Variants in TMPRSS15 observed in about 807,000 individuals in gnomAD.
TMPRSS15 encodes the protein enteropeptidase.
In TMPRSS15, 128 loss-of-function variants were observed where a neutral mutation model predicts 125.3. The observed-to-expected ratio is 1.02, with a 90% CI of 0.89 to 1.18. TMPRSS15 has a LOEUF of 1.18. Among genes scored for constraint, TMPRSS15 ranks in the 50% most tolerant of loss-of-function variants. TMPRSS15 has a pLI of 0.00. For synonymous variants in TMPRSS15, 446 were observed against 423.2 expected (o/e 1.05, Z -0.66); for missense variants, 1,283 against 1,212.7 (o/e 1.06, Z -0.86).
chr21:18,422,752 A>G (rs1300063999), intron 1 of TMPRSS15, among the ~76,000 whole-genome samples: 3 of 152,210 alleles, frequency 2.0e-5, no homozygotes, highest in African/African-American at 7.2e-5. Context: ...ACTAAATTCA[A>G]TAGTTTTGCA....
chr21:18,312,936 ATTAC>A lies in TMPRSS15; in HGVS notation c.2165+5_2165+8del, dbSNP rs1161824365. On this transcript the variant is annotated splice_donor_5th_base_variant and intron_variant, in intron 18 of 24. Transcript: ENST00000284885. ...ATCTCTTAAAAAGGAACTCAGTAGA[ATTAC>A]TTACCCTAGTCCCAGCAGTTGACAA... The A allele has an allele frequency of 1.2e-6, 2 of 1,613,466 alleles. No homozygotes were observed. The highest frequency in any genetic ancestry group is 1.7e-6 in the Non-Finnish European group (2 of 1,179,560).
chr21:18,344,652 A>G (rs2075486505), intron 10 of TMPRSS15, among the ~76,000 whole-genome samples: 1 of 152,230 alleles, frequency 6.6e-6, no homozygotes, highest in Non-Finnish European at 1.5e-5. Context: ...AACTTTCAAA[A>G]TAGCACAAGC....
chr21:18,427,639 G>A (rs1442239231), intron 1 of TMPRSS15, among the ~76,000 whole-genome samples: 2 of 152,108 alleles, frequency 1.3e-5, no homozygotes, highest in Non-Finnish European at 2.9e-5. Flanking sequence ...AAACATGACT[G>A]AGCATTTATA....
In TMPRSS15 at chr21:18,355,140, A is replaced by T. The variant is rs181381261; in HGVS notation, c.881-1277T>A. On this transcript the variant is annotated intron_variant, in intron 8 of 24. Transcript: ENST00000284885. ...CAGCATGCATACCTGTGTAATTTTA[A>T]TACTTCTCATACTGAAAACCTTTGG... is the stretch of plus-strand genomic sequence containing the variant. Among the ~76,000 whole-genome samples, 505 of 152,026 alleles carry T rather than the reference A, an allele frequency of 3.3e-3. 2 individuals carry two copies. Among genetic ancestry groups the T allele is most frequent in the African/African-American group, 0.012 (481 of 41,532 alleles).
intron 19 of TMPRSS15, among the ~76,000 whole-genome samples, chr21:18,296,126 C>G (rs1049046265): frequency 2.6e-5 from 4 of 152,122 alleles, no homozygotes; most frequent in Admixed American, 2.6e-4. Flanking sequence ...GCACTCCAGC[C>G]TGGGCAACAG....
intron 1 of TMPRSS15, among the ~76,000 whole-genome samples, chr21:18,429,727 T>C (rs2076212367): frequency 6.6e-6 from 1 of 152,188 alleles, no homozygotes; most frequent in Admixed American, 6.5e-5. Flanking sequence ...GGTATGTCTT[T>C]AGCAGCATGA....
In TMPRSS15 at chr21:18,326,448, A is replaced by G; in HGVS notation, c.1905T>C (p.Tyr635=). ...GGFKANFTTG[Y]HLGIPEPCKA... is the part of the protein sequence containing the mutation. ...GGCTCCTACCTGGAATCCCCAAGTG[A>G]TAGCCAGTAGTAAAGTTTGCTTTAA... is the stretch of plus-strand genomic sequence containing the variant. The change falls in exon 16 of 25, where the codon TAT becomes TAC. Residue 635 remains tyrosine, a synonymous_variant. Coordinates refer to ENST00000284885, the MANE Select transcript of TMPRSS15 (RefSeq NM_002772.3). The G allele has an allele frequency of 6.2e-7, 1 of 1,614,168 alleles. No individual in the cohort carries two copies. Among genetic ancestry groups the G allele is most frequent in the Non-Finnish European group, 8.5e-7 (1 of 1,179,994 alleles).
chr21:18,300,003 C>T (rs2074948041), intron 18 of TMPRSS15, among the ~76,000 whole-genome samples: 1 of 152,022 alleles, frequency 6.6e-6, no homozygotes. Flanking sequence ...CTTCTAGTTA[C>T]CCAATAATCT....
chr21:18,443,728 C>T (rs1284946584), intron 1 of TMPRSS15, among the ~76,000 whole-genome samples: 4 of 152,214 alleles, frequency 2.6e-5, no homozygotes, highest in African/African-American at 9.6e-5. Context: ...CCGAACTCAG[C>T]CAGTGGCTGC....
chr21:18,462,175 G>T (rs1201034911), intron 1 of TMPRSS15, among the ~76,000 whole-genome samples: 1 of 152,142 alleles, frequency 6.6e-6, no homozygotes, highest in African/African-American at 2.4e-5. Flanking sequence ...CAAGGTCACA[G>T]AATGCTGACA....
At chr21:18,464,538 G>C (rs925890115) in intron 1 of TMPRSS15, among the ~76,000 whole-genome samples, 2 of 151,852 alleles carry the variant, frequency 1.3e-5, no homozygotes, top group Non-Finnish European at 2.9e-5. Context: ...AGAAGAGAGA[G>C]AAGAATCAAA....
chr21:18,316,079 G>A (rs1403565657), intron 16 of TMPRSS15, among the ~76,000 whole-genome samples: 1 of 151,958 alleles, frequency 6.6e-6, no homozygotes, highest in African/African-American at 2.4e-5. Context: ...AGCTCAAGGT[G>A]GAGCCAGTTT....
At chr21:18,381,464 A>G (rs953923146) in intron 4 of TMPRSS15, among the ~76,000 whole-genome samples, 3 of 152,200 alleles carry the variant, frequency 2.0e-5, no homozygotes, top group Non-Finnish European at 4.4e-5. Flanking sequence ...AATTCACATG[A>G]TACAAATGGA....
intron 18 of TMPRSS15, among the ~76,000 whole-genome samples, chr21:18,304,918 G>A (rs986966229): frequency 6.6e-6 from 1 of 151,838 alleles, no homozygotes; most frequent in Non-Finnish European, 1.5e-5. Context: ...GTCTCACTTG[G>A]GTGACAAAAT....
At chr21:18,294,779 G>A (rs576592068) in intron 19 of TMPRSS15, 127 bp from the exon 20 acceptor site, 1 of 817,854 alleles carries the variant, frequency 1.2e-6, no homozygotes, top group East Asian at 2.6e-5. Context: ...ATGAAATGTA[G>A]GGAGACTGAA....
At chr21:18,314,435 C>T (rs553505249) in intron 17 of TMPRSS15, among the ~76,000 whole-genome samples, 27 of 152,212 alleles carry the variant, frequency 1.8e-4, no homozygotes, top group South Asian at 6.2e-4. Context: ...CCCACCACCA[C>T]GCCTGGCAAA....
intron 1 of TMPRSS15, among the ~76,000 whole-genome samples, chr21:18,467,340 G>A (rs1259840224): frequency 6.6e-6 from 1 of 151,886 alleles, no homozygotes; most frequent in African/African-American, 2.4e-5. Context: ...AACCACCATG[G>A]CATGTGTATA....
Position 18,352,894 on chromosome 21 carries a change from G to T in TMPRSS15, c.1171+9C>A, listed in dbSNP as rs2075584504. ...AATCCTTTTGACTTCTGAATTAAAT[G>T]AATTATACCTGAAGCATTGCCAAAA... On this transcript the variant is annotated intron_variant, in intron 10 of 24. Transcript: ENST00000284885. The T allele has an allele frequency of 3.7e-6, 6 of 1,611,248 alleles. No individual in the cohort carries two copies. The South Asian group carries it at 6.6e-5, about 18-fold the overall frequency.
At chr21:18,414,409 A>G (rs2076175247) in intron 1 of TMPRSS15, among the ~76,000 whole-genome samples, 1 of 152,242 alleles carries the variant, frequency 6.6e-6, no homozygotes, top group Admixed American at 6.5e-5. Flanking sequence ...TTTGAAATGC[A>G]CAATATCATA....
Sources: allele counts gnomAD v4.1 joint callset (sites outside exome capture counted in the v4.1 genomes callset), GRCh38; gene constraint gnomAD v4.1.1; transcripts MANE v1.5; gene names NCBI Gene and HGNC (gene_info 2026-07-23, HGNC 2026-07-21).